Variants in DGKI observed in about 807,000 individuals in gnomAD.
DGKI encodes the protein DAG kinase iota.
A neutral mutation model predicts 147.5 loss-of-function variants in DGKI; 55 were observed. The ratio of observed to expected loss-of-function variants is 0.37; its 90% CI spans 0.30 to 0.47. The LOEUF (loss-of-function observed/expected upper bound fraction) is 0.47. Ranked by LOEUF, DGKI falls within the 20% of genes least tolerant of loss-of-function variation. The pLI is 1.00. For synonymous variants in DGKI, 469 were observed against 477.1 expected (o/e 0.98, Z 0.22); for missense variants, 1,007 against 1,323.8 (o/e 0.76, Z 3.71).
chr7:137,685,153 A>G (rs1267203175), intron 2 of DGKI, among the ~76,000 whole-genome samples: 1 of 152,226 alleles, frequency 6.6e-6, no homozygotes, highest in Non-Finnish European at 1.5e-5. Context: ...AGCATCGTCA[A>G]CTAAAGGAAA....
At chr7:137,708,915 C>T (rs909912145) in intron 1 of DGKI, among the ~76,000 whole-genome samples, 1 of 152,094 alleles carries the variant, frequency 6.6e-6, no homozygotes, top group Non-Finnish European at 1.5e-5. Context: ...ATTAAAGGTA[C>T]CTTTTTCCTA....
intron 15 of DGKI, 59 bp downstream of exon 15, chr7:137,581,791 T>C (rs1819204026): frequency 6.9e-7 from 1 of 1,441,810 alleles, no homozygotes; most frequent in Non-Finnish European, 9.8e-7. Context: ...AAAGGGAACA[T>C]GCAAAACACC....
At chr7:137,485,884 A>T (rs1815538906) in intron 22 of DGKI, among the ~76,000 whole-genome samples, 1 of 152,128 alleles carries the variant, frequency 6.6e-6, no homozygotes, top group Non-Finnish European at 1.5e-5. Flanking sequence ...TCGCTTAGCA[A>T]ATAGGGGTTT....
Position 137,395,702 on chromosome 7 carries a change from A to G in DGKI, c.2958-5T>C. ...TTGTGCAGTGCAGTCTCACCCCTAAATCAAAGATGAAATGGGAAACCACCC... is the reference window on the plus strand; with the variant it reads ...TTGTGCAGTGCAGTCTCACCCCTAAGTCAAAGATGAAATGGGAAACCACCC... On this transcript the variant is annotated splice_region_variant and splice_polypyrimidine_tract_variant and intron_variant, in intron 31 of 32. Transcript: ENST00000614521. The G allele has an allele frequency of 1.2e-6, 2 of 1,612,928 alleles. No homozygotes were observed. The highest frequency in any genetic ancestry group is 2.2e-5 in the East Asian group (1 of 44,798).
intron 1 of DGKI, among the ~76,000 whole-genome samples, chr7:137,815,200 G>A (rs1348189857): frequency 2.6e-5 from 4 of 151,758 alleles, no homozygotes; most frequent in African/African-American, 7.3e-5. Flanking sequence ...CCCCTCCTTC[G>A]TCCTGGAGCA....
chr7:137,382,151 T>G lies in DGKI; in HGVS notation c.*9069A>C, dbSNP rs537385064. 45 of 152,146 alleles carry G rather than the reference T, an allele frequency of 3.0e-4. No individual in the cohort carries two copies. The highest frequency in any genetic ancestry group is 8.3e-4 in the South Asian group (4 of 4,824). 9.4% of individuals were successfully genotyped at this position (152,146 alleles called of 1,614,324 possible). ...TTACCTATAAATTTGAAACAAAAAA[T>G]AGGGTAAACTGACAGGACTATCCTA... is the stretch of plus-strand genomic sequence containing the variant. On this transcript the variant is annotated 3_prime_UTR_variant, in exon 33 of 33. Transcript: ENST00000614521.
At position 137,384,287 on chromosome 7, in the gene DGKI, C is replaced by T. The variant is rs1312923795; in HGVS notation, c.*6933G>A. 3.3e-5 allele frequency: 5 copies of T among 152,110 alleles called. No individual in the cohort carries two copies. In the East Asian group the frequency reaches 9.7e-4, roughly 29 times the overall value. The allele number at this position is 152,110 out of a possible 1,614,324, so 9.4% of individuals were successfully genotyped here. ...TATGCAAACATTAGACTTTTCTTTG[C>T]TTGAACTATGTACAAGCTGACAAGC... is the stretch of plus-strand genomic sequence containing the variant. On this transcript the variant is annotated 3_prime_UTR_variant, in exon 33 of 33. Coordinates refer to ENST00000614521, the MANE Select transcript of DGKI (RefSeq NM_001321708.2).
rs114861783 is a variant in DGKI, at chr7:137,526,871, G to A, written c.2148-4905C>T. 6.7e-3 allele frequency among the ~76,000 whole-genome samples: 1,014 copies of A among 152,134 alleles called. 9 individuals are homozygous for A. The highest frequency in any genetic ancestry group is 0.023 in the African/African-American group (958 of 41,496). On this transcript the variant is annotated intron_variant, in intron 20 of 32. Transcript: ENST00000614521. ...TACACTATTCCTCTCGGACTGATAA[G>A]AGACGCCTCTCATCCAATCTCCCAC...
intron 27 of DGKI, among the ~76,000 whole-genome samples, chr7:137,445,820 A>C (rs1314271487): frequency 6.6e-6 from 1 of 152,340 alleles, no homozygotes; most frequent in African/African-American, 2.4e-5. Flanking sequence ...TCAGAGCCAA[A>C]GGACATCAAA....
At chr7:137,495,983 T>A (rs1307102930) in intron 21 of DGKI, among the ~76,000 whole-genome samples, 1 of 151,990 alleles carries the variant, frequency 6.6e-6, no homozygotes, top group East Asian at 1.9e-4. Context: ...GAGAAAGAAA[T>A]AAAAGGCACC....
chr7:137,604,750 G>A (rs1401747821), intron 10 of DGKI, among the ~76,000 whole-genome samples: 10 of 152,142 alleles, frequency 6.6e-5, no homozygotes. Flanking sequence ...CTAGGTCACT[G>A]GAAGAGAAAG....
Position 137,495,937 on chromosome 7 carries a change from A to T in DGKI, c.2249-8248T>A, listed in dbSNP as rs990290829. Among the ~76,000 whole-genome samples, 7 of 152,198 alleles carry T rather than the reference A, an allele frequency of 4.6e-5. No individual in the cohort carries two copies. In the East Asian group the frequency reaches 1.3e-3, roughly 29 times the overall value. ...CTCACTCTCACCACTTCTATTCAAC[A>T]TAGTACTGGAAGTTGTAGCCACAGC... On this transcript the variant is annotated intron_variant, in intron 21 of 32. Coordinates refer to ENST00000614521, the MANE Select transcript of DGKI (RefSeq NM_001321708.2).
intron 1 of DGKI, among the ~76,000 whole-genome samples, chr7:137,695,061 G>C (rs1048888261): frequency 5.3e-5 from 8 of 152,054 alleles, no homozygotes; most frequent in Non-Finnish European, 7.4e-5. Context: ...AATCACTTTT[G>C]GTATTGAATC....
At chr7:137,546,032 G>T in intron 20 of DGKI, 1 of 668,780 alleles carries the variant, frequency 1.5e-6, no homozygotes, top group Non-Finnish European at 2.7e-6. Flanking sequence ...GAACAAGCCA[G>T]GGGAGAGAAA....
chr7:137,730,978 A>G (rs1236362160), intron 1 of DGKI, among the ~76,000 whole-genome samples: 2 of 152,066 alleles, frequency 1.3e-5, no homozygotes, highest in African/African-American at 4.8e-5. Flanking sequence ...CTAGGTTCAA[A>G]GGCAAAGCTG....
intron 6 of DGKI, 57 bp from the exon 7 acceptor site, chr7:137,623,611 T>A: frequency 6.7e-7 from 1 of 1,483,520 alleles, no homozygotes; most frequent in Non-Finnish European, 9.4e-7. Flanking sequence ...ACAGCGCACA[T>A]TTGCCCTCCT....
At chr7:137,463,712 C>A in intron 26 of DGKI, 101 bp from the exon 27 acceptor site, 1 of 1,371,972 alleles carries the variant, frequency 7.3e-7, no homozygotes, top group Non-Finnish European at 9.9e-7. Flanking sequence ...ATGTGAGAAG[C>A]AAAATTCATC....
At chr7:137,837,450 G>C (rs1798416872) in intron 1 of DGKI, among the ~76,000 whole-genome samples, 1 of 152,188 alleles carries the variant, frequency 6.6e-6, no homozygotes, top group Non-Finnish European at 1.5e-5. Context: ...TGGCTTCCTG[G>C]AATATTGTGA....
Position 137,445,147 on chromosome 7 carries a change from A to G in DGKI, c.2736-1045T>C, listed in dbSNP as rs111416626. On this transcript the variant is annotated intron_variant, in intron 27 of 32. Coordinates refer to ENST00000614521, the MANE Select transcript of DGKI (RefSeq NM_001321708.2). The stretch of plus-strand genomic sequence containing the variant: ...AGGACAAGAATCATTCAGTCAATAC[A>G]AAAATGGTTGAAAATAATTTTTAGC... 1.0e-3 allele frequency among the ~76,000 whole-genome samples: 152 copies of G among 152,318 alleles called. 1 individual carries two copies. Among genetic ancestry groups the G allele is most frequent in the African/African-American group, 3.6e-3 (149 of 41,580 alleles).
Sources: allele counts gnomAD v4.1 joint callset (sites outside exome capture counted in the v4.1 genomes callset), GRCh38; gene constraint gnomAD v4.1.1; transcripts MANE v1.5; gene names NCBI Gene and HGNC (gene_info 2026-07-23, HGNC 2026-07-21).